The following DCDC1 variants were observed in gnomAD, a reference collection of about 807,000 sequenced individuals.
DCDC1 encodes the protein doublecortin domain containing 1.
In DCDC1, 200 loss-of-function variants were observed where a neutral mutation model predicts 178.3. The ratio of observed to expected loss-of-function variants is 1.12; its 90% CI spans 1.00 to 1.26. DCDC1 has a LOEUF of 1.26. Ranked by LOEUF, DCDC1 falls within the 50% of genes most tolerant of loss-of-function variation. DCDC1 has a pLI of 0.00. For missense variants in DCDC1, 1,983 were observed against 1,749.2 expected (o/e 1.13, Z -2.38); for synonymous variants, 690 against 604.8 (o/e 1.14, Z -2.07).
At chr11:31,237,004 G>A (rs917784610) in intron 9 of DCDC1, among the ~76,000 whole-genome samples, 1 of 151,826 alleles carries the variant, frequency 6.6e-6, no homozygotes, top group African/African-American at 2.4e-5. Context: ...CAAACTTCAA[G>A]CACTTCTTTT....
intron 1 of DCDC1, among the ~76,000 whole-genome samples, chr11:31,343,701 T>A (rs1017485528): frequency 9.2e-5 from 14 of 152,102 alleles, no homozygotes; most frequent in Non-Finnish European, 1.9e-4. Context: ...GGTAGACCAC[T>A]TGAGGTCAGG....
At chr11:31,185,772 C>T (rs1158049403) in intron 9 of DCDC1, among the ~76,000 whole-genome samples, 1 of 152,178 alleles carries the variant, frequency 6.6e-6, no homozygotes, top group Non-Finnish European at 1.5e-5. Flanking sequence ...CTAGAGTTGC[C>T]ATGCAAAAGA....
intron 6 of DCDC1, among the ~76,000 whole-genome samples, chr11:31,301,033 C>T (rs530971693): frequency 1.9e-4 from 29 of 152,042 alleles, no homozygotes; most frequent in Admixed American, 1.2e-3. Flanking sequence ...CAAATCCACA[C>T]CTATTTTATA....
intron 3 of DCDC1, among the ~76,000 whole-genome samples, chr11:31,308,617 C>T (rs1948595578): frequency 6.6e-6 from 1 of 152,034 alleles, no homozygotes; most frequent in Non-Finnish European, 1.5e-5. Flanking sequence ...GTTGGTCACC[C>T]TACTGGTATT....
intron 20 of DCDC1, among the ~76,000 whole-genome samples, chr11:30,964,193 T>G (rs1417483788): frequency 6.6e-5 from 10 of 152,162 alleles, no homozygotes; most frequent in African/African-American, 2.4e-4. Context: ...ATTCCAAAAC[T>G]TACAGGTCTG....
intron 20 of DCDC1, among the ~76,000 whole-genome samples, chr11:30,989,715 C>G (rs890220152): frequency 1.3e-5 from 2 of 152,096 alleles, no homozygotes; most frequent in African/African-American, 4.8e-5. Context: ...AGAAAGCATC[C>G]TCTTTAAATA....
At chr11:31,253,356 A>ATTTTTTTTTT (rs1357132704) in intron 8 of DCDC1, among the ~76,000 whole-genome samples, 2 of 134,698 alleles carry the variant, frequency 1.5e-5, no homozygotes, top group African/African-American at 5.4e-5. Flanking sequence ...AGTTTTGGAG[A>ATTTTTTTTTT]TTTTTTTTTT....
chr11:31,074,513 T>C (rs956072366), intron 18 of DCDC1, among the ~76,000 whole-genome samples: 5 of 152,280 alleles, frequency 3.3e-5, no homozygotes, highest in African/African-American at 1.2e-4. Flanking sequence ...TTCTACCATG[T>C]GAGAATACGG....
intron 9 of DCDC1, among the ~76,000 whole-genome samples, chr11:31,208,908 T>C (rs1368681234): frequency 6.6e-6 from 1 of 152,210 alleles, no homozygotes; most frequent in Non-Finnish European, 1.5e-5. Context: ...TATTTCATGT[T>C]CTTGATAGCA....
At chr11:31,031,281 T>C (rs1173188019) in intron 20 of DCDC1, among the ~76,000 whole-genome samples, 1 of 152,150 alleles carries the variant, frequency 6.6e-6, no homozygotes, top group Non-Finnish European at 1.5e-5. Flanking sequence ...AAATGATAAA[T>C]ATGTAAAACT....
intron 20 of DCDC1, among the ~76,000 whole-genome samples, chr11:31,051,167 G>C (rs2135410872): frequency 6.6e-6 from 1 of 152,248 alleles, no homozygotes; most frequent in Admixed American, 6.5e-5. Flanking sequence ...CACAGTTTTA[G>C]AAATGTGAAA....
chr11:31,252,369 A>C (rs1944101568), intron 8 of DCDC1, among the ~76,000 whole-genome samples: 1 of 152,218 alleles, frequency 6.6e-6, no homozygotes, highest in South Asian at 2.1e-4. Flanking sequence ...TCTCACATCT[A>C]AATAACTAGC....
intron 20 of DCDC1, among the ~76,000 whole-genome samples, chr11:30,968,033 C>G (rs958726972): frequency 3.3e-5 from 5 of 152,062 alleles, no homozygotes; most frequent in Non-Finnish European, 7.4e-5. Flanking sequence ...TGGGAAACAC[C>G]ATCCAACACA....
intron 20 of DCDC1, among the ~76,000 whole-genome samples, chr11:30,954,124 T>C (rs1253738539): frequency 1.3e-5 from 2 of 148,318 alleles, no homozygotes; most frequent in Non-Finnish European, 3.0e-5. Flanking sequence ...CACGCCATTC[T>C]CCTGCCTCAG....
chr11:30,923,962 C>T (rs951646720), intron 23 of DCDC1, among the ~76,000 whole-genome samples: 3 of 152,024 alleles, frequency 2.0e-5, no homozygotes, highest in Admixed American at 6.6e-5. Context: ...CTCTTTTGGA[C>T]ATATTTAATC....
At chr11:31,216,566 C>T (rs1292716631) in intron 9 of DCDC1, among the ~76,000 whole-genome samples, 4 of 152,150 alleles carry the variant, frequency 2.6e-5, no homozygotes, top group Admixed American at 2.6e-4. Context: ...AAATGACAAG[C>T]AGATGTCATA....
intron 8 of DCDC1, 47 bp from the exon 9 acceptor site, chr11:31,241,663 C>T (rs1197951442): frequency 5.1e-6 from 2 of 394,546 alleles, no homozygotes; most frequent in South Asian, 1.3e-4. Context: ...CCAACCCAAC[C>T]GAAATACACT....
At chr11:31,158,848 C>T (rs1381944854) in intron 9 of DCDC1, among the ~76,000 whole-genome samples, 2 of 151,936 alleles carry the variant, frequency 1.3e-5, no homozygotes, top group Admixed American at 1.3e-4. Context: ...TCTAAATAAG[C>T]CCCTCCAAAG....
rs1227928673 is a variant in DCDC1, at chr11:30,864,586, A to G, written c.*787T>C. ...CTCAGGCCAAGAGTAGAAGAACTGA[A>G]CCTCATGTCCCCATCATGTTGCTGT... On this transcript the variant is annotated 3_prime_UTR_variant, in exon 39 of 39. Coordinates refer to ENST00000684477, the MANE Select transcript of DCDC1 (RefSeq NM_001387274.1). 2 of 152,224 alleles carry G rather than the reference A, an allele frequency of 1.3e-5. No individual in the cohort carries two copies. The highest frequency in any genetic ancestry group is 2.9e-5 in the Non-Finnish European group (2 of 68,050). 9.4% of individuals were successfully genotyped at this position (152,224 alleles called of 1,614,324 possible). A position where few individuals can be genotyped will look rare whatever the true frequency, so the allele number is the denominator to read the frequency against.
Sources: allele counts gnomAD v4.1 joint callset (sites outside exome capture counted in the v4.1 genomes callset), GRCh38; gene constraint gnomAD v4.1.1; transcripts MANE v1.5; gene names NCBI Gene and HGNC (gene_info 2026-07-23, HGNC 2026-07-21).